Variants in ARAP1 observed in about 807,000 individuals in gnomAD.
ARAP1 encodes arf-GAP with Rho-GAP domain, ANK repeat and PH domain-containing protein 1.
A neutral mutation model predicts 172.2 loss-of-function variants in ARAP1; 76 were observed. The observed-to-expected ratio is 0.44, with a 90% CI of 0.37 to 0.53. The LOEUF is 0.53. Among genes scored for constraint, ARAP1 ranks in the 20% least tolerant of loss-of-function variants. The pLI is 0.00. For missense variants in ARAP1, 1,686 were observed against 1,977.5 expected (o/e 0.85, Z 2.80); for synonymous variants, 804 against 803.3 (o/e 1.00, Z -0.01).
rs1203568158 is a variant in ARAP1, at chr11:72,698,093, G to A, written c.2555C>T (p.Pro852Leu). 5 of 1,598,714 alleles carry A rather than the reference G, an allele frequency of 3.1e-6. No individual in the cohort carries two copies. The highest frequency in any genetic ancestry group is 1.1e-5 in the South Asian group (1 of 88,576). ...VKCIAKAFVP[P>L]LAEDLLARDF... ...CCGGGCCAGCAGATCCTCGGCTAGG[G>A]GAGGCACGAATGCCTGGCAGAGAGG... is the stretch of plus-strand genomic sequence containing the variant. Residue 852 changes from proline to leucine, a missense_variant, in exon 19 of 35, where the codon CCC becomes CTC. Transcript: ENST00000393609.
intron 1 of ARAP1, among the ~76,000 whole-genome samples, chr11:72,748,434 C>T (rs1289006567): frequency 6.6e-6 from 1 of 151,814 alleles, no homozygotes; most frequent in Non-Finnish European, 1.5e-5. Flanking sequence ...GCAGGAGAAT[C>T]GCTTGAACCC....
chr11:72,732,778 C>G (rs1857903398), intron 1 of ARAP1, among the ~76,000 whole-genome samples, 181 bp from the exon 2 acceptor site: 1 of 152,040 alleles, frequency 6.6e-6, no homozygotes, highest in African/African-American at 2.4e-5. Flanking sequence ...TCCAGGAGTT[C>G]AAAACCAGCC....
intron 30 of ARAP1, among the ~76,000 whole-genome samples, chr11:72,690,395 G>A (rs967359095): frequency 3.3e-5 from 5 of 152,150 alleles, no homozygotes; most frequent in African/African-American, 1.2e-4. Context: ...AGGGAAGGAT[G>A]TCAGTCAATG....
At chr11:72,705,668 C>T in intron 13 of ARAP1, 137 bp downstream of exon 13, 3 of 895,218 alleles carry the variant, frequency 3.4e-6, no homozygotes, top group Non-Finnish European at 3.3e-6. Context: ...GAAATCCCCA[C>T]CCACTAGATT....
chr11:72,709,140 G>C (rs1591202239), intron 11 of ARAP1, among the ~76,000 whole-genome samples: 1 of 152,058 alleles, frequency 6.6e-6, no homozygotes, highest in Non-Finnish European at 1.5e-5. Context: ...AAGGGGAGAT[G>C]CCCACAGCTG....
At chr11:72,718,227 G>A (rs888317558) in intron 3 of ARAP1, among the ~76,000 whole-genome samples, 4 of 152,106 alleles carry the variant, frequency 2.6e-5, no homozygotes, top group Admixed American at 1.3e-4. Flanking sequence ...GTGCTTTCAG[G>A]AAGGCACAAC....
intron 4 of ARAP1, among the ~76,000 whole-genome samples, 178 bp from the exon 5 acceptor site, chr11:72,713,421 G>A (rs945420483): frequency 6.6e-6 from 1 of 152,162 alleles, no homozygotes; most frequent in African/African-American, 2.4e-5. Context: ...GGCCTCATAG[G>A]ACAGTACTAA....
Position 72,697,211 on chromosome 11 carries a change from GC to G in ARAP1, c.2954-17del. ...GAGGTCAGGCCTAGGGAGGGGCGGG[GC>G]CAAGCGTTCGGGGCCTGAGGCATAG... is the stretch of plus-strand genomic sequence containing the variant. On this transcript the variant is annotated splice_polypyrimidine_tract_variant and intron_variant, in intron 21 of 34. Coordinates refer to ENST00000393609, the MANE Select transcript of ARAP1 (RefSeq NM_001040118.3). 1 of 1,588,860 alleles carries G rather than the reference GC, an allele frequency of 6.3e-7. No individual in the cohort carries two copies.
intron 27 of ARAP1, among the ~76,000 whole-genome samples, chr11:72,694,354 C>T (rs946690882): frequency 6.6e-6 from 1 of 151,816 alleles, no homozygotes; most frequent in African/African-American, 2.4e-5. Context: ...TGCATGGCTG[C>T]CTCTGCCTCG....
chr11:72,689,704 G>A (rs1381344651), intron 30 of ARAP1, among the ~76,000 whole-genome samples: 1 of 152,154 alleles, frequency 6.6e-6, no homozygotes, highest in Non-Finnish European at 1.5e-5. Flanking sequence ...CTTTTACCCC[G>A]ATACCTGCTG....
rs941131034 is a variant in ARAP1, at chr11:72,745,502, C to T, written c.-128+6826G>A. Reference sequence around the variant, plus strand: ...TACAGGCATGAGCCACCATGCCTGGCCACCCGAGAGACCAAGTTTCAAGTG... The same window carrying T: ...TACAGGCATGAGCCACCATGCCTGGTCACCCGAGAGACCAAGTTTCAAGTG... On this transcript the variant is annotated intron_variant, in intron 1 of 34. Coordinates refer to ENST00000393609, the MANE Select transcript of ARAP1 (RefSeq NM_001040118.3). Among the ~76,000 whole-genome samples, 3 of 151,936 alleles carry T rather than the reference C, an allele frequency of 2.0e-5. No homozygotes were observed. The East Asian group carries it at 5.8e-4, about 29-fold the overall frequency.
chr11:72,707,338 C>T lies in ARAP1; in HGVS notation c.1560G>A (p.Trp520Ter). The T allele has an allele frequency of 1.2e-6, 2 of 1,613,524 alleles. No individual in the cohort carries two copies. The highest frequency in any genetic ancestry group is 8.5e-7 in the Non-Finnish European group (1 of 1,179,782). Residue 520 changes from tryptophan to a stop codon, truncating the protein, a stop_gained, in exon 12 of 35, where the codon TGG becomes TGA. Transcript: ENST00000393609. LOFTEE classifies it high-confidence loss of function. ...SADSELEKEQ[W>*]LEAMQGAIAE... ...CGATGGCTCCCTGCATGGCCTCCAA[C>T]CACTGCTCCTTCTCTAGCTCTGAGT...
intron 2 of ARAP1, among the ~76,000 whole-genome samples, chr11:72,729,522 G>A (rs918134529): frequency 5.9e-5 from 9 of 152,024 alleles, no homozygotes; most frequent in African/African-American, 1.7e-4. Context: ...CCCAGGAGGT[G>A]GAGATTACAG....
At chr11:72,690,603 C>G (rs774768537) in intron 30 of ARAP1, among the ~76,000 whole-genome samples, 3 of 152,180 alleles carry the variant, frequency 2.0e-5, no homozygotes, top group Non-Finnish European at 4.4e-5. Flanking sequence ...TGGTCTCAAA[C>G]TCCTGGACTC....
At chr11:72,749,666 G>A (rs573887740) in intron 1 of ARAP1, among the ~76,000 whole-genome samples, 1 of 152,104 alleles carries the variant, frequency 6.6e-6, no homozygotes, top group Admixed American at 6.5e-5. Context: ...GGCAGATCAC[G>A]AGGTCAGGAG....
intron 31 of ARAP1, 44 bp downstream of exon 31, chr11:72,688,411 C>G (rs778936720): frequency 6.4e-7 from 1 of 1,566,492 alleles, no homozygotes; most frequent in East Asian, 2.3e-5. Context: ...TTCTGAGCCC[C>G]CATAAGCCCC....
chr11:72,718,367 C>T (rs1857372373), intron 3 of ARAP1, among the ~76,000 whole-genome samples: 1 of 152,032 alleles, frequency 6.6e-6, no homozygotes, highest in Non-Finnish European at 1.5e-5. Context: ...GCTCCAATCC[C>T]GAGGTCCAGC....
At chr11:72,738,108 G>T (rs536421980) in intron 1 of ARAP1, among the ~76,000 whole-genome samples, 3 of 152,322 alleles carry the variant, frequency 2.0e-5, no homozygotes, top group African/African-American at 7.2e-5. Context: ...CTTGGGCCTT[G>T]AAGGATAAGT....
At position 72,697,955 on chromosome 11, in the gene ARAP1, C is replaced by T. The variant is rs1295472105; in HGVS notation, c.2693G>A (p.Gly898Glu). The part of the protein sequence containing the change: ...GSELRAVFPE[G>E]PCEEPLQLRK... ...TAGTTGCAGCGGCTCTTCGCAGGGC[C>T]CCTCCGGGAAGACAGCACGGAGCTC... Residue 898 changes from glycine to glutamate, a missense_variant, in exon 19 of 35, where the codon GGG becomes GAG. Physicochemically the swap from Gly to Glu is moderately conservative, Grantham distance 98 (BLOSUM62 -2). Around this residue, in one of 5 missense-constraint regions of ARAP1, gnomAD observed 274 missense variants for 262.7 expected, o/e 1.04. Transcript: ENST00000393609. 1 of 1,611,434 alleles carries T rather than the reference C, an allele frequency of 6.2e-7. No individual in the cohort carries two copies. The highest frequency in any genetic ancestry group is 8.5e-7 in the Non-Finnish European group (1 of 1,178,996).
Sources: allele counts gnomAD v4.1 joint callset (sites outside exome capture counted in the v4.1 genomes callset), GRCh38; gene constraint gnomAD v4.1.1; regional missense constraint gnomAD v4.1.1; transcripts MANE v1.5; gene names NCBI Gene and HGNC (gene_info 2026-07-23, HGNC 2026-07-21).